Variants in SLIT2 observed in about 807,000 individuals in gnomAD.
SLIT2 encodes the protein slit homolog 2 protein.
A neutral mutation model predicts 185.7 loss-of-function variants in SLIT2; 41 were observed. The observed-to-expected ratio is 0.22, with a 90% CI of 0.17 to 0.29. SLIT2 has a LOEUF of 0.29. SLIT2 is among the 10% of genes least tolerant of loss of function. SLIT2 has a pLI of 1.00. For synonymous variants in SLIT2, 693 were observed against 680.2 expected, an observed-to-expected ratio of 1.02 and a Z score of -0.29; for missense variants, 1,571 against 1,909.0, an observed-to-expected ratio of 0.82 and a Z score of 3.30.
intron 4 of SLIT2, among the ~76,000 whole-genome samples, chr4:20,324,716 T>C (rs542806241): frequency 6.6e-6 from 1 of 152,276 alleles, no homozygotes; most frequent in Non-Finnish European, 1.5e-5. Flanking sequence ...ATATATATAC[T>C]TCAAAACATC....
At chr4:20,345,975 C>T (rs1417087754) in intron 4 of SLIT2, among the ~76,000 whole-genome samples, 1 of 151,848 alleles carries the variant, frequency 6.6e-6, no homozygotes, top group African/African-American at 2.4e-5. Flanking sequence ...GTTTCTCAAC[C>T]TAGGCACTAT....
chr4:20,460,613 A>G (rs1713595997), intron 4 of SLIT2, among the ~76,000 whole-genome samples: 1 of 152,140 alleles, frequency 6.6e-6, no homozygotes, highest in African/African-American at 2.4e-5. Flanking sequence ...TATTTGACCA[A>G]CGTCTCCCCA....
chr4:20,546,094 A>C lies in SLIT2; in HGVS notation c.2340A>C (p.Thr780=), dbSNP rs762506741. 3.2e-6 allele frequency: 5 copies of C among 1,572,242 alleles called. No individual in the cohort carries two copies. Among genetic ancestry groups the C allele is most frequent in the Non-Finnish European group, 2.6e-6 (3 of 1,148,350 alleles). ...PKELSNYKHL[T]LIDLSNNRIS... Reference sequence around the variant, plus strand: ...AACTCTCCAACTACAAACATTTAACACTTATGTGAGTAACATATTGCACTT... The same window carrying C: ...AACTCTCCAACTACAAACATTTAACCCTTATGTGAGTAACATATTGCACTT... Residue 780 remains threonine (T), a synonymous_variant, in exon 22 of 37, where the codon ACA becomes ACC. Transcript: ENST00000504154.
At chr4:20,594,678 T>C (rs1281174043) in intron 30 of SLIT2, among the ~76,000 whole-genome samples, 2 of 152,132 alleles carry the variant, frequency 1.3e-5, no homozygotes, top group African/African-American at 4.8e-5. Context: ...GTATCATAAC[T>C]AGAGATCCCA....
chr4:20,585,798 A>G (rs1288534146), intron 29 of SLIT2, among the ~76,000 whole-genome samples: 1 of 152,190 alleles, frequency 6.6e-6, no homozygotes, highest in Non-Finnish European at 1.5e-5. Context: ...GAGCCATCAC[A>G]AAAGCAAACT....
At chr4:20,291,901 CCT>C (rs1491511475) in intron 4 of SLIT2, among the ~76,000 whole-genome samples, 2 of 102,882 alleles carry the variant, frequency 1.9e-5, no homozygotes, top group Non-Finnish European at 3.8e-5. Flanking sequence ...CTCCTGCACA[CCT>C]CTGTGTGTGT....
intron 4 of SLIT2, among the ~76,000 whole-genome samples, chr4:20,374,349 T>C (rs571835293): frequency 6.6e-6 from 1 of 152,278 alleles, no homozygotes; most frequent in South Asian, 2.1e-4. Context: ...AGAGAAGGAC[T>C]TCTTAATGAA....
chr4:20,612,279 T>C (rs1237251776), intron 34 of SLIT2, among the ~76,000 whole-genome samples: 1 of 145,064 alleles, frequency 6.9e-6, no homozygotes, highest in African/African-American at 2.5e-5. Flanking sequence ...AGGATGAGAC[T>C]GTTTAAGTCA....
intron 4 of SLIT2, among the ~76,000 whole-genome samples, chr4:20,386,239 A>G (rs559708682): frequency 1.1e-4 from 17 of 152,338 alleles, no homozygotes; most frequent in African/African-American, 3.4e-4. Context: ...AAACTAGCCA[A>G]TTAAAAGGAA....
Position 20,388,893 on chromosome 4 carries a change from T to TATATAATATATATAATATATATAATATA in SLIT2, c.396-78854_396-78853insATATATATAATATATATAATATAATATA, listed in dbSNP as rs1560379388. 5.2e-4 allele frequency among the ~76,000 whole-genome samples: 76 copies of TATATAATATATATAATATATATAATATA among 145,824 alleles called. No individual in the cohort carries two copies. The South Asian group carries it at 0.014, about 28-fold the overall frequency. ...AATATATAATATATATAAAACATAA[T>TATATAATATATATAATATATATAATATA]ATATATAATATATACATATAATATA... is the stretch of plus-strand genomic sequence containing the variant. On this transcript the variant is annotated intron_variant, in intron 4 of 36. Transcript: ENST00000504154.
At position 20,442,246 on chromosome 4, in the gene SLIT2, G is replaced by A. The variant is rs143828093; in HGVS notation, c.396-25506G>A. Among the ~76,000 whole-genome samples the A allele has an allele frequency of 7.1e-4, 108 of 152,254 alleles. 2 individuals are homozygous for A. The East Asian group carries it at 0.017, about 24-fold the overall frequency. ...AGAAAGGGGGACTGGTTGGCCGGGCGCGGTGGCTCACGCCTGTAATCCCAG... is the reference window on the plus strand; with the variant it reads ...AGAAAGGGGGACTGGTTGGCCGGGCACGGTGGCTCACGCCTGTAATCCCAG... On this transcript the variant is annotated intron_variant, in intron 4 of 36. Coordinates refer to ENST00000504154, the MANE Select transcript of SLIT2 (RefSeq NM_004787.4).
chr4:20,293,063 G>T (rs1020747435), intron 4 of SLIT2, among the ~76,000 whole-genome samples: 1 of 152,180 alleles, frequency 6.6e-6, no homozygotes, highest in African/African-American at 2.4e-5. Flanking sequence ...ATAGAAAGAG[G>T]GGGGAAAAAG....
chr4:20,368,450 A>G (rs937737241), intron 4 of SLIT2, among the ~76,000 whole-genome samples: 3 of 152,002 alleles, frequency 2.0e-5, no homozygotes, highest in African/African-American at 7.2e-5. Flanking sequence ...TGTTAAAGAT[A>G]ATTGAAAATA....
chr4:20,505,832 T>C (rs928311798), intron 9 of SLIT2, among the ~76,000 whole-genome samples: 8 of 152,042 alleles, frequency 5.3e-5, no homozygotes, highest in African/African-American at 1.7e-4. Flanking sequence ...ATATTGTTGG[T>C]AGTTCATTCT....
chr4:20,516,173 C>G (rs549592267), intron 11 of SLIT2, among the ~76,000 whole-genome samples: 1 of 152,306 alleles, frequency 6.6e-6, no homozygotes, highest in African/African-American at 2.4e-5. Flanking sequence ...CTATTGCTGC[C>G]TCTTACTGTC....
intron 29 of SLIT2, chr4:20,573,285 T>A: frequency 2.8e-6 from 2 of 702,982 alleles, no homozygotes; most frequent in Non-Finnish European, 5.2e-6. Flanking sequence ...AAGTCTATTA[T>A]GATTTTCATT....
chr4:20,300,526 A>G (rs66875143), intron 4 of SLIT2, among the ~76,000 whole-genome samples: 4 of 152,050 alleles, frequency 2.6e-5, no homozygotes, highest in South Asian at 2.1e-4. Flanking sequence ...CTAGTTAGCT[A>G]CGTATCTATA....
At chr4:20,455,148 T>G (rs1253434568) in intron 4 of SLIT2, among the ~76,000 whole-genome samples, 3 of 152,146 alleles carry the variant, frequency 2.0e-5, no homozygotes, top group African/African-American at 7.2e-5. Context: ...AATACCCATT[T>G]TGAAAACAGT....
At chr4:20,609,985 G>A (rs1242144458) in intron 33 of SLIT2, 28 bp from the exon 34 acceptor site, 4 of 1,577,470 alleles carry the variant, frequency 2.5e-6, no homozygotes, top group Non-Finnish European at 2.6e-6. Context: ...GAAAATGGAA[G>A]AATCAGCCAT....
Sources: allele counts gnomAD v4.1 joint callset (sites outside exome capture counted in the v4.1 genomes callset), GRCh38; gene constraint gnomAD v4.1.1; transcripts MANE v1.5; gene names NCBI Gene and HGNC (gene_info 2026-07-23, HGNC 2026-07-21).